The following PCAT7 variants were observed in gnomAD, a reference collection of about 807,000 sequenced individuals.
PCAT7 encodes prostate cancer associated transcript 7, also known as prostate cancer associated transcript 7 (non-protein coding).
intron 2 of PCAT7, among the ~76,000 whole-genome samples, chr9:94,565,452 T>C (rs981424336): frequency 2.0e-5 from 3 of 152,184 alleles, no homozygotes; most frequent in Non-Finnish European, 2.9e-5. Context: ...CATTTTCTTA[T>C]ATTTTTTGTT....
chr9:94,555,578 G>A (rs1246226718), intron 1 of PCAT7, among the ~76,000 whole-genome samples: 5 of 147,330 alleles, frequency 3.4e-5, no homozygotes, highest in African/African-American at 1.2e-4. Flanking sequence ...AGAGGAAAGA[G>A]TGGTGAGGGG....
intron 2 of PCAT7, among the ~76,000 whole-genome samples, chr9:94,560,177 C>T (rs1229668421): frequency 4.6e-5 from 7 of 152,146 alleles, no homozygotes; most frequent in Non-Finnish European, 1.5e-5. Flanking sequence ...CGAGGGGTCC[C>T]AGCCGAGGGC....
intron 2 of PCAT7, among the ~76,000 whole-genome samples, chr9:94,566,435 A>G (rs10120467): frequency 0.18 from 27,894 of 152,316 alleles, 4,090 homozygotes; most frequent in African/African-American, 0.41. Context: ...GCTGCAGTTA[A>G]CCAGCCCAAC....
At chr9:94,563,524 G>A (rs1056803055) in intron 2 of PCAT7, 22 of 1,571,508 alleles carry the variant, frequency 1.4e-5, no homozygotes, top group Middle Eastern at 1.7e-4. Flanking sequence ...GCACCTGCTC[G>A]TGGTCACAAG....
At chr9:94,567,564 G>A (rs1827209785) in intron 2 of PCAT7, 1 of 762,198 alleles carries the variant, frequency 1.3e-6, no homozygotes, top group African/African-American at 1.7e-5. Flanking sequence ...GTTTTCATGA[G>A]TGGTGGGAAG....
intron 2 of PCAT7, chr9:94,571,708 G>C: frequency 9.4e-7 from 1 of 1,062,152 alleles, no homozygotes. Context: ...AGGAAGCGCG[G>C]TTCTTTGAAT....
At chr9:94,563,602 A>T in intron 2 of PCAT7, 1 of 916,836 alleles carries the variant, frequency 1.1e-6, no homozygotes, top group Non-Finnish European at 1.6e-6. Context: ...AATTGAAAAG[A>T]TTATATAATT....
intron 2 of PCAT7, chr9:94,569,790 CTG>C (rs1338440085): frequency 6.6e-6 from 1 of 152,216 alleles, no homozygotes; most frequent in Non-Finnish European, 1.5e-5. Flanking sequence ...GGTGGTCTCT[CTG>C]TGCCTGAACA....
chr9:94,568,511 C>G (rs1309520323), intron 2 of PCAT7: 1 of 152,180 alleles, frequency 6.6e-6, no homozygotes. Flanking sequence ...AAACCAGATC[C>G]ATTTTGATGA....
chr9:94,558,092 G>T (rs1389205542), intron 1 of PCAT7, among the ~76,000 whole-genome samples: 3 of 152,050 alleles, frequency 2.0e-5, no homozygotes, highest in Non-Finnish European at 2.9e-5. Context: ...AACTGTGATT[G>T]GTCATCCAAA....
At chr9:94,572,625 G>A (rs1827281466) in intron 2 of PCAT7, among the ~76,000 whole-genome samples, 1 of 152,128 alleles carries the variant, frequency 6.6e-6, no homozygotes, top group African/African-American at 2.4e-5. Context: ...TTGGTGGCAA[G>A]TACCAACTCC....
intron 1 of PCAT7, chr9:94,558,869 T>G: frequency 7.0e-7 from 1 of 1,419,300 alleles, no homozygotes; most frequent in Non-Finnish European, 9.9e-7. Flanking sequence ...CCATCTCTGT[T>G]TATCGTTCAT....
chr9:94,568,612 T>A (rs1006885068), intron 2 of PCAT7: 3 of 152,106 alleles, frequency 2.0e-5, no homozygotes, highest in Admixed American at 2.0e-4. Flanking sequence ...TCAGAGGTAT[T>A]CCCGGAATAT....
Position 94,571,705 on chromosome 9 carries a change from G to A in PCAT7, n.442-1274G>A, listed in dbSNP as rs3892541. 1.7e-3 allele frequency: 1,794 copies of A among 1,076,450 alleles called. 19 individuals are homozygous for A. The African/African-American group carries it at 0.026, about 15-fold the overall frequency. The allele number at this position is 1,076,450 out of a possible 1,614,324, so 66.7% of individuals were successfully genotyped here. A position where few individuals can be genotyped will look rare whatever the true frequency, so the allele number is the denominator to read the frequency against. On this transcript the variant is annotated intron_variant and non_coding_transcript_variant, in intron 2 of 8. Coordinates refer to ENST00000647389, the Ensembl canonical transcript of PCAT7. The stretch of plus-strand genomic sequence containing the variant: ...ATCTCCTCGAATCACTGAAGGAAGC[G>A]CGGTTCTTTGAATTTTAAGCTGCTG...
At chr9:94,556,502 G>A (rs35071031) in intron 1 of PCAT7, among the ~76,000 whole-genome samples, 1 of 152,084 alleles carries the variant, frequency 6.6e-6, no homozygotes, top group Non-Finnish European at 1.5e-5. Context: ...GAAATGGTGG[G>A]GGACAAAGGT....
intron 1 of PCAT7, among the ~76,000 whole-genome samples, chr9:94,558,396 G>A (rs941930616): frequency 2.0e-4 from 30 of 152,094 alleles, no homozygotes; most frequent in African/African-American, 6.8e-4. Flanking sequence ...CCGGGTTCAC[G>A]CCATTCTCCT....
intron 2 of PCAT7, chr9:94,570,270 G>C (rs911324203): frequency 2.0e-5 from 3 of 152,194 alleles, no homozygotes; most frequent in Admixed American, 2.0e-4. Flanking sequence ...TATTTTGCTT[G>C]TACTCAAGAG....
chr9:94,565,265 C>T (rs1311759692), intron 2 of PCAT7, among the ~76,000 whole-genome samples: 2 of 150,858 alleles, frequency 1.3e-5, no homozygotes, highest in Non-Finnish European at 2.9e-5. Context: ...ATCCCAGCTA[C>T]TCGGGAGGCT....
At chr9:94,560,671 G>C (rs1346224134) in intron 2 of PCAT7, among the ~76,000 whole-genome samples, 4 of 146,456 alleles carry the variant, frequency 2.7e-5, no homozygotes, top group African/African-American at 1.0e-4. Flanking sequence ...CATATATTAT[G>C]GTAATTTTTT....
Sources: allele counts gnomAD v4.1 joint callset (sites outside exome capture counted in the v4.1 genomes callset), GRCh38; gene constraint gnomAD v4.1.1; transcripts MANE v1.5; gene names NCBI Gene and HGNC (gene_info 2026-07-23, HGNC 2026-07-21).